ZDHHC11B: variants seen among roughly 807,000 people sequenced by gnomAD.
ZDHHC11B encodes the protein zDHHC palmitoyltransferase 11B (putative), also known as probable palmitoyltransferase ZDHHC11B.
Under a neutral mutation model 42.3 loss-of-function variants are expected in ZDHHC11B, and 17 were observed. That is an observed-to-expected ratio of 0.40 (90% CI 0.27 to 0.60). The LOEUF (loss-of-function observed/expected upper bound fraction) is 0.60, where lower values mean the gene tolerates loss of function less well. Ranked by LOEUF, ZDHHC11B falls within the 20% of genes least tolerant of loss-of-function variation. The pLI, the probability that ZDHHC11B is intolerant of heterozygous loss-of-function variation, is 0.41. For missense variants in ZDHHC11B, 262 were observed against 463.2 expected, an observed-to-expected ratio of 0.57 and a Z score of 3.99; for synonymous variants, 123 against 193.5, an observed-to-expected ratio of 0.64 and a Z score of 3.02.
chr5:740,056 T>TTATAAGTGG (rs1460251167), intron 10 of ZDHHC11B, among the ~76,000 whole-genome samples: 2 of 150,152 alleles, frequency 1.3e-5, no homozygotes, highest in Non-Finnish European at 3.0e-5. Flanking sequence ...AGTATCTCAC[T>TTATAAGTGG]TATAAGTGGG....
In ZDHHC11B at chr5:718,646, A is replaced by G. The variant is rs571242300; in HGVS notation, c.1059-1781T>C. On this transcript the variant is annotated intron_variant, in intron 12 of 13. Coordinates refer to ENST00000508859, the MANE Select transcript of ZDHHC11B (RefSeq NM_001351303.2). Reference sequence around the variant, plus strand: ...GGGAGGTGGAGCTTGCAGTGAGCAGAGATTGTGCCACTGCACTCTAGCCTG... The same window carrying G: ...GGGAGGTGGAGCTTGCAGTGAGCAGGGATTGTGCCACTGCACTCTAGCCTG... Among the ~76,000 whole-genome samples the G allele has an allele frequency of 2.7e-5, 4 of 148,068 alleles. No homozygotes were observed. In the South Asian group the frequency reaches 8.7e-4, roughly 32 times the overall value.
At chr5:770,202 A>G (rs16900963) in intron 1 of ZDHHC11B, among the ~76,000 whole-genome samples, 3,705 of 144,980 alleles carry the variant, frequency 0.026, 2 homozygotes, top group African/African-American at 0.096. Context: ...CGCCATACCA[A>G]TGAGCACCAG....
intron 12 of ZDHHC11B, among the ~76,000 whole-genome samples, chr5:729,983 A>C (rs1453884353): frequency 6.6e-6 from 1 of 150,912 alleles, no homozygotes; most frequent in Non-Finnish European, 1.5e-5. Flanking sequence ...CCTCTTTATA[A>C]GGGTCTTCTT....
intron 12 of ZDHHC11B, among the ~76,000 whole-genome samples, chr5:721,569 G>T (rs1208935393): frequency 6.6e-6 from 1 of 151,392 alleles, no homozygotes; most frequent in South Asian, 2.1e-4. Context: ...GAGGATGGGG[G>T]TGGGATGTGA....
rs552610829 is a variant in ZDHHC11B at position 776,532 on chromosome 5, C to G, written c.-229-7602G>C. On this transcript the variant is annotated intron_variant, in intron 1 of 13. Transcript: ENST00000508859. ...GCGCCTGCTGGGCCCACGCAGTGTG[C>G]TCCTGGCCTCAAACTGCCCACTGGG... Among the ~76,000 whole-genome samples, 1,326 of 151,292 alleles carry G rather than the reference C, an allele frequency of 8.8e-3. 40 individuals carry two copies. Among genetic ancestry groups the G allele is most frequent in the African/African-American group, 0.03 (1,230 of 40,722 alleles).
At chr5:750,800 G>A (rs1274802873) in intron 7 of ZDHHC11B, among the ~76,000 whole-genome samples, 1 of 129,778 alleles carries the variant, frequency 7.7e-6, no homozygotes, top group Non-Finnish European at 1.7e-5. Flanking sequence ...ACAGCTACAT[G>A]GCCCCACAGG....
chr5:718,037 G>A (rs1236508885), intron 12 of ZDHHC11B, among the ~76,000 whole-genome samples: 2 of 151,384 alleles, frequency 1.3e-5, no homozygotes, highest in African/African-American at 4.9e-5. Flanking sequence ...GGAGAACTGG[G>A]GTATCACCAA....
intron 9 of ZDHHC11B, among the ~76,000 whole-genome samples, chr5:743,484 C>T (rs1398488339): frequency 6.8e-6 from 1 of 148,050 alleles, no homozygotes; most frequent in Non-Finnish European, 1.5e-5. Flanking sequence ...TGTGGTAAAT[C>T]TGTAGATAAG....
chr5:777,177 T>C (rs981906938), intron 1 of ZDHHC11B, among the ~76,000 whole-genome samples: 2 of 151,892 alleles, frequency 1.3e-5, no homozygotes, highest in African/African-American at 4.8e-5. Context: ...TTCCTTCTGG[T>C]GGGTTCGTGG....
chr5:728,802 G>A (rs1579264882), intron 12 of ZDHHC11B, among the ~76,000 whole-genome samples: 2 of 151,824 alleles, frequency 1.3e-5, no homozygotes, highest in Non-Finnish European at 2.9e-5. Context: ...CAGGCAAATA[G>A]CTTGAGCTCA....
chr5:738,965 G>A (rs1388342240), intron 10 of ZDHHC11B, among the ~76,000 whole-genome samples: 1 of 150,912 alleles, frequency 6.6e-6, no homozygotes, highest in African/African-American at 2.5e-5. Context: ...TTTTAAATAA[G>A]TACCTTCTGC....
At chr5:724,221 T>G (rs578223116) in intron 12 of ZDHHC11B, among the ~76,000 whole-genome samples, 1 of 148,992 alleles carries the variant, frequency 6.7e-6, no homozygotes, top group East Asian at 2.0e-4. Context: ...ATTTATTTAT[T>G]TTGAGACATA....
At chr5:729,573 T>C (rs1742858044) in intron 12 of ZDHHC11B, among the ~76,000 whole-genome samples, 2 of 151,074 alleles carry the variant, frequency 1.3e-5, no homozygotes, top group Non-Finnish European at 3.0e-5. Flanking sequence ...CACATGCCTG[T>C]GTCTGTGCAC....
intron 4 of ZDHHC11B, among the ~76,000 whole-genome samples, chr5:764,115 C>G (rs1304255090): frequency 6.6e-6 from 1 of 151,982 alleles, no homozygotes; most frequent in African/African-American, 2.4e-5. Flanking sequence ...CCCTACACCT[C>G]CCTGCCTGCA....
intron 1 of ZDHHC11B, among the ~76,000 whole-genome samples, chr5:776,088 G>T (rs1376163407): frequency 6.7e-6 from 1 of 150,154 alleles, no homozygotes; most frequent in Admixed American, 6.6e-5. Flanking sequence ...GTCCTGTCCA[G>T]GGGGAGCACC....
intron 1 of ZDHHC11B, among the ~76,000 whole-genome samples, chr5:783,347 C>T (rs1164922134): frequency 6.6e-6 from 1 of 152,288 alleles, no homozygotes; most frequent in African/African-American, 2.4e-5. Flanking sequence ...GCCTCACTCC[C>T]CTCCACTTCC....
intron 1 of ZDHHC11B, among the ~76,000 whole-genome samples, chr5:783,140 C>T (rs1304977625): frequency 1.3e-5 from 2 of 152,224 alleles, no homozygotes; most frequent in East Asian, 3.9e-4. Context: ...ATCAGAGATC[C>T]CTTTAGAAAC....
At chr5:737,707 G>A (rs1368750179) in intron 10 of ZDHHC11B, among the ~76,000 whole-genome samples, 1 of 149,496 alleles carries the variant, frequency 6.7e-6, no homozygotes, top group Non-Finnish European at 1.5e-5. Flanking sequence ...AAAAATCAGA[G>A]ATCATCTCAA....
At chr5:739,895 G>GAT (rs1743973315) in intron 10 of ZDHHC11B, among the ~76,000 whole-genome samples, 1 of 149,704 alleles carries the variant, frequency 6.7e-6, no homozygotes, top group East Asian at 2.0e-4. Context: ...AAGAAAATGT[G>GAT]ATATATATTT....
Sources: gnomAD v4.1 joint callset for allele counts (sites outside exome capture counted in the v4.1 genomes callset) on GRCh38, gnomAD v4.1.1 for gene constraint, MANE v1.5 for transcripts, NCBI Gene and HGNC (gene_info 2026-07-23, HGNC 2026-07-21) for gene names.